The following FTO variants were observed in gnomAD, a reference collection of about 807,000 sequenced individuals.
FTO encodes FTO alpha-ketoglutarate dependent dioxygenase.
A neutral mutation model predicts 63.9 loss-of-function variants in FTO; 47 were observed. That is an observed-to-expected ratio of 0.74 (90% CI 0.58 to 0.94). The LOEUF (loss-of-function observed/expected upper bound fraction) is 0.94. Among genes scored for constraint, FTO ranks in the 40% least tolerant of loss-of-function variants. The pLI is 0.00. For missense variants in FTO, 562 were observed against 618.1 expected (o/e 0.91, Z 0.96); for synonymous variants, 207 against 224.4 (o/e 0.92, Z 0.69).
chr16:53,967,878 C>G (rs1373707909), intron 8 of FTO, among the ~76,000 whole-genome samples: 1 of 152,122 alleles, frequency 6.6e-6, no homozygotes, highest in Non-Finnish European at 1.5e-5. Context: ...GTGTGTACAT[C>G]TTTTTTTATT....
chr16:54,026,537 C>T (rs555476145), intron 8 of FTO, among the ~76,000 whole-genome samples: 1 of 152,280 alleles, frequency 6.6e-6, no homozygotes, highest in African/African-American at 2.4e-5. Context: ...GGGTACATTG[C>T]TGCTCTCAAC....
chr16:53,772,608 C>T (rs1207934182), intron 1 of FTO, among the ~76,000 whole-genome samples: 1 of 152,100 alleles, frequency 6.6e-6, no homozygotes, highest in Non-Finnish European at 1.5e-5. Context: ...GTAATACATA[C>T]CACACCTCTT....
intron 1 of FTO, among the ~76,000 whole-genome samples, chr16:53,725,131 A>G (rs954530255): frequency 2.0e-5 from 3 of 151,968 alleles, no homozygotes; most frequent in African/African-American, 7.3e-5. Context: ...CTTCCTTTTC[A>G]TTTGTCCTGT....
chr16:53,995,948 T>G (rs774528351), intron 8 of FTO, among the ~76,000 whole-genome samples: 1 of 152,202 alleles, frequency 6.6e-6, no homozygotes, highest in Non-Finnish European at 1.5e-5. Context: ...GGAAGGATTT[T>G]CTTCCTGGTA....
At chr16:53,840,622 G>A (rs1267237730) in intron 3 of FTO, among the ~76,000 whole-genome samples, 1 of 152,132 alleles carries the variant, frequency 6.6e-6, no homozygotes, top group Non-Finnish European at 1.5e-5. Context: ...TAAATGAATG[G>A]GCATGACTGT....
At chr16:53,828,894 C>G (rs1326610836) in intron 3 of FTO, among the ~76,000 whole-genome samples, 1 of 152,030 alleles carries the variant, frequency 6.6e-6, no homozygotes, top group Non-Finnish European at 1.5e-5. Flanking sequence ...TATTATTTTA[C>G]TTTTTTAATT....
At chr16:53,810,821 C>T (rs545590628) in intron 2 of FTO, among the ~76,000 whole-genome samples, 44 of 152,138 alleles carry the variant, frequency 2.9e-4, no homozygotes, top group Admixed American at 7.9e-4. Flanking sequence ...AGATGTCACC[C>T]GATCACTGTT....
At chr16:53,888,605 C>T in intron 6 of FTO, among the ~76,000 whole-genome samples, 1 of 152,206 alleles carries the variant, frequency 6.6e-6, no homozygotes, top group South Asian at 2.1e-4. Context: ...TAGGCATGAA[C>T]CAACACGTCT....
At chr16:54,106,880 A>T (rs1466214187) in intron 8 of FTO, among the ~76,000 whole-genome samples, 1 of 139,408 alleles carries the variant, frequency 7.2e-6, no homozygotes, top group Non-Finnish European at 1.5e-5. Context: ...TATAATAAAT[A>T]TATTATTGTA....
chr16:53,987,988 G>A (rs2083711910), intron 8 of FTO, among the ~76,000 whole-genome samples: 1 of 152,146 alleles, frequency 6.6e-6, no homozygotes, highest in South Asian at 2.1e-4. Context: ...TGTGTACAAT[G>A]GGGATTGAAC....
At chr16:54,061,822 C>T (rs1331032391) in intron 8 of FTO, 1 of 152,158 alleles carries the variant, frequency 6.6e-6, no homozygotes, top group African/African-American at 2.4e-5. Flanking sequence ...CTCTACTGAC[C>T]TTGACTTTGG....
intron 8 of FTO, among the ~76,000 whole-genome samples, chr16:54,005,068 T>TAAAA (rs777739385): frequency 3.1e-5 from 3 of 97,756 alleles, no homozygotes; most frequent in African/African-American, 7.6e-5. Flanking sequence ...AGGCTCCGTC[T>TAAAA]AAAAAAAAAA....
chr16:53,823,548 T>G (rs2078924274), intron 2 of FTO, among the ~76,000 whole-genome samples: 1 of 140,980 alleles, frequency 7.1e-6, no homozygotes, highest in Non-Finnish European at 1.5e-5. Context: ...TCTTCAAGGC[T>G]GCAGCTCTAC....
chr16:53,872,495 C>T (rs2080529140), intron 4 of FTO, among the ~76,000 whole-genome samples: 1 of 152,198 alleles, frequency 6.6e-6, no homozygotes. Flanking sequence ...GGCATTGAAA[C>T]TGTTTCCATG....
At chr16:53,960,946 T>G (rs2083064921) in intron 8 of FTO, among the ~76,000 whole-genome samples, 1 of 152,192 alleles carries the variant, frequency 6.6e-6, no homozygotes, top group South Asian at 2.1e-4. Context: ...TCGTCATTTT[T>G]GTCTCTTGCA....
intron 1 of FTO, among the ~76,000 whole-genome samples, chr16:53,737,556 A>G (rs147642001): frequency 8.5e-5 from 13 of 152,356 alleles, no homozygotes; most frequent in African/African-American, 2.9e-4. Flanking sequence ...CATTATTGTA[A>G]TCTTATGGAA....
intron 8 of FTO, among the ~76,000 whole-genome samples, chr16:53,969,510 C>T (rs1051916964): frequency 6.6e-6 from 1 of 152,038 alleles, no homozygotes; most frequent in Non-Finnish European, 1.5e-5. Context: ...CTTTTGCATG[C>T]GTGTAAGTAA....
chr16:54,064,093 C>T (rs1305906827), intron 8 of FTO, among the ~76,000 whole-genome samples: 4 of 151,962 alleles, frequency 2.6e-5, no homozygotes, highest in East Asian at 1.9e-4. Context: ...GCTAGTTTTA[C>T]TTCTAGGAGC....
intron 1 of FTO, among the ~76,000 whole-genome samples, chr16:53,799,223 T>G (rs1351858913): frequency 2.0e-5 from 3 of 152,182 alleles, no homozygotes; most frequent in African/African-American, 4.8e-5. Context: ...TGAAAGCCAT[T>G]AATTTTCTGG....
Sources: gnomAD v4.1 joint callset for allele counts (sites outside exome capture counted in the v4.1 genomes callset) on GRCh38, gnomAD v4.1.1 for gene constraint, MANE v1.5 for transcripts, NCBI Gene and HGNC (gene_info 2026-07-23, HGNC 2026-07-21) for gene names.